ZBTB44: variants seen among roughly 807,000 people sequenced by gnomAD.
The protein encoded by ZBTB44 is zinc finger and BTB domain containing 44.
Under a neutral mutation model 54.0 loss-of-function variants are expected in ZBTB44, and 15 were observed. That is an observed-to-expected ratio of 0.28 (90% confidence interval 0.19 to 0.43). The LOEUF is 0.43. Ranked by LOEUF, ZBTB44 falls within the 20% of genes least tolerant of loss-of-function variation. The probability of loss-of-function intolerance (pLI) is 1.00; values close to 1 mark genes in which losing one functional copy is unlikely to be tolerated. For synonymous variants in ZBTB44, 230 were observed against 250.1 expected (o/e 0.92, Z 0.76); for missense variants, 487 against 707.1 (o/e 0.69, Z 3.53).
chr11:130,265,387 G>A (rs1011939466), intron 1 of ZBTB44, among the ~76,000 whole-genome samples: 2 of 152,112 alleles, frequency 1.3e-5, no homozygotes, highest in African/African-American at 4.8e-5. Context: ...ACAAAGCCCA[G>A]CTAATTTTTG....
intron 2 of ZBTB44, among the ~76,000 whole-genome samples, chr11:130,246,408 T>C (rs368577893): frequency 6.6e-6 from 1 of 152,180 alleles, no homozygotes; most frequent in Non-Finnish European, 1.5e-5. Flanking sequence ...TTCTCAGTGG[T>C]AGTGAGGCTA....
chr11:130,240,092 A>C (rs1484568670), intron 2 of ZBTB44, among the ~76,000 whole-genome samples, 196 bp from the exon 3 acceptor site: 3 of 138,834 alleles, frequency 2.2e-5, no homozygotes, highest in Non-Finnish European at 4.5e-5. Context: ...CCCAGGCTGG[A>C]GTGCGGTGGC....
rs562719324 is a variant in ZBTB44, at chr11:130,245,573, A to G, written c.1019-5677T>C. On this transcript the variant is annotated intron_variant, in intron 2 of 7. Coordinates refer to ENST00000357899, the MANE Select transcript of ZBTB44 (RefSeq NM_001301098.2). ...TTGCCCCAAAACGCCTGGAGTTGTG[A>G]TAAGGGTAGGCCAAGAAGACTGGCA... 1.2e-3 allele frequency among the ~76,000 whole-genome samples: 176 copies of G among 152,102 alleles called. 1 individual carries two copies. Among genetic ancestry groups the G allele is most frequent in the African/African-American group, 4.1e-3 (170 of 41,480 alleles).
rs1289436947 is a variant in ZBTB44, at chr11:130,261,189, G to A, written c.685C>T (p.Pro229Ser). ...NQPVDSSLAF[P>S]WTFPFGIDRR... The stretch of plus-strand genomic sequence containing the variant: ...TCAATTCCAAAAGGAAAAGTCCAAG[G>A]AAAAGCTAAGGAAGAGTCAACTGGT... The change falls in exon 2 of 8, where the codon CCT (proline) becomes TCT (serine). Residue 229 changes from proline to serine, a missense_variant. Pro to Ser is a moderately conservative substitution (Grantham distance 74). Coordinates refer to ENST00000357899, the MANE Select transcript of ZBTB44 (RefSeq NM_001301098.2). This position sits in a 1 kb window ranked among gnomAD's most constrained non-coding sequence, Gnocchi z 4.8. 1.9e-6 allele frequency: 3 copies of A among 1,613,952 alleles called. No homozygotes were observed. The South Asian group carries it at 3.3e-5, about 18-fold the overall frequency.
chr11:130,285,847 G>C (rs1940922489), intron 1 of ZBTB44: 1 of 156,604 alleles, frequency 6.4e-6, no homozygotes, highest in South Asian at 1.8e-4. Context: ...TGTCCACTCT[G>C]CTCTCAGAAC....
chr11:130,298,832 GACACACACAC>G (rs71061379), intron 1 of ZBTB44, among the ~76,000 whole-genome samples: 33 of 149,558 alleles, frequency 2.2e-4, no homozygotes, highest in Non-Finnish European at 4.0e-4. Context: ...CAGACACCCA[GACACACACAC>G]ACACACACAC....
chr11:130,235,869 G>A (rs1954085580), intron 5 of ZBTB44, among the ~76,000 whole-genome samples: 1 of 151,690 alleles, frequency 6.6e-6, no homozygotes, highest in Non-Finnish European at 1.5e-5. Flanking sequence ...GGGTGTAGTG[G>A]TGGGCACCTG....
chr11:130,235,119 A>G (rs140778435), intron 5 of ZBTB44, among the ~76,000 whole-genome samples: 156 of 152,342 alleles, frequency 1.0e-3, no homozygotes, highest in African/African-American at 3.5e-3. Context: ...TCATTATACC[A>G]TAATTGTCAA....
At chr11:130,263,320 T>C (rs17139178) in intron 1 of ZBTB44, among the ~76,000 whole-genome samples, 6,233 of 152,228 alleles carry the variant, frequency 0.041, 312 homozygotes, top group African/African-American at 0.12. Context: ...CAAACCATCA[T>C]GTAACATATT....
chr11:130,259,702 A>G (rs1339539606), intron 2 of ZBTB44, among the ~76,000 whole-genome samples: 2 of 152,036 alleles, frequency 1.3e-5, no homozygotes, highest in African/African-American at 4.8e-5. Context: ...CTATCACAAG[A>G]ACAGAAAACC....
intron 1 of ZBTB44, among the ~76,000 whole-genome samples, chr11:130,273,476 CTAATTTTTG>C (rs1313892572): frequency 6.6e-6 from 1 of 151,750 alleles, no homozygotes; most frequent in Admixed American, 6.6e-5. Flanking sequence ...ACATGCCTGG[CTAATTTTTG>C]TATTTTTTGT....
intron 1 of ZBTB44, among the ~76,000 whole-genome samples, chr11:130,300,072 CAT>C (rs1439723166): frequency 6.6e-6 from 1 of 152,134 alleles, no homozygotes; most frequent in African/African-American, 2.4e-5. Flanking sequence ...GAACAAATAC[CAT>C]ATGATTCCGA....
rs551303515 is a variant in ZBTB44, at chr11:130,278,924, C to T, written c.-56-16995G>A. 6.6e-5 allele frequency among the ~76,000 whole-genome samples: 10 copies of T among 152,236 alleles called. 1 individual carries two copies. The South Asian group carries it at 2.1e-3, about 32-fold the overall frequency. On this transcript the variant is annotated intron_variant, in intron 1 of 7. Coordinates refer to ENST00000357899, the MANE Select transcript of ZBTB44 (RefSeq NM_001301098.2). ...TTCTGTTAAATCTGACATGTGGTCT[C>T]TCTCACACAGGCAGTTTATAAGGTC...
At chr11:130,311,967 C>G (rs74851233) in intron 1 of ZBTB44, among the ~76,000 whole-genome samples, 5,446 of 152,196 alleles carry the variant, frequency 0.036, 226 homozygotes, top group African/African-American at 0.097. Flanking sequence ...GGTTATAAAA[C>G]AAGGAATAAA....
chr11:130,289,027 A>G (rs774220280), intron 1 of ZBTB44, among the ~76,000 whole-genome samples: 3 of 152,236 alleles, frequency 2.0e-5, no homozygotes, highest in Admixed American at 2.0e-4. Flanking sequence ...CCACATCTGC[A>G]AGATTCTACC....
intron 1 of ZBTB44, among the ~76,000 whole-genome samples, chr11:130,279,219 G>A (rs1940331434): frequency 6.7e-6 from 1 of 149,820 alleles, no homozygotes; most frequent in Admixed American, 6.7e-5. Flanking sequence ...ACATTTTTGG[G>A]TACGCCCACA....
At chr11:130,259,332 G>A (rs763071857) in intron 2 of ZBTB44, among the ~76,000 whole-genome samples, 3 of 152,216 alleles carry the variant, frequency 2.0e-5, no homozygotes, top group Admixed American at 6.5e-5. Flanking sequence ...GGAGAAATAG[G>A]AAATGCTTTT....
At chr11:130,260,532 C>T (rs895951399) in intron 2 of ZBTB44, among the ~76,000 whole-genome samples, 6 of 152,128 alleles carry the variant, frequency 3.9e-5, no homozygotes, top group African/African-American at 1.4e-4. Context: ...CTTTATGTAT[C>T]ATAAATGTTT....
intron 1 of ZBTB44, among the ~76,000 whole-genome samples, chr11:130,308,365 C>T (rs1942395563): frequency 6.6e-6 from 1 of 152,160 alleles, no homozygotes; most frequent in South Asian, 2.1e-4. Context: ...ATTTTTATGA[C>T]TTGTTACATT....
Sources: allele counts gnomAD v4.1 joint callset (sites outside exome capture counted in the v4.1 genomes callset), GRCh38; gene constraint gnomAD v4.1.1; non-coding constraint Gnocchi (gnomAD v3.1); transcripts MANE v1.5; gene names NCBI Gene and HGNC (gene_info 2026-07-23, HGNC 2026-07-21).